Variants in PRR14 observed in about 807,000 individuals in gnomAD.
PRR14 encodes proline-rich protein 14.
In PRR14, 33 loss-of-function variants were observed where a neutral mutation model predicts 57.2. That is an observed-to-expected ratio of 0.58 (90% CI 0.44 to 0.77). The LOEUF is 0.77. PRR14 is among the 30% of genes least tolerant of loss of function. The pLI, the probability that PRR14 is intolerant of heterozygous loss-of-function variation, is 0.00. For missense variants in PRR14, 716 were observed against 788.1 expected (o/e 0.91, Z 1.10); for synonymous variants, 303 against 314.7 (o/e 0.96, Z 0.39).
chr16:30,651,945 A>T lies in PRR14; in HGVS notation c.173A>T (p.Asp58Val), dbSNP rs2052318004. The stretch of plus-strand genomic sequence containing the variant: ...CGGGTCCTGGCCGTGGTGCTAGAAG[A>T]TGTCATGGCTGTTCACATGGTGAGC... The part of the protein sequence containing the change: ...SRRVLAVVLE[D>V]VMAVHMVPVV... The change falls in exon 3 of 12, where the codon GAT (aspartate) becomes GTT (valine). Residue 58 changes from aspartate to valine, a missense_variant. Asp to Val is a radical substitution (Grantham distance 152). Transcript: ENST00000300835. The surrounding 1 kb of genome is among the most constrained non-coding windows in gnomAD (Gnocchi z 5.0). The T allele has an allele frequency of 6.5e-7, 1 of 1,541,392 alleles. No homozygotes were observed. Among genetic ancestry groups the T allele is most frequent in the Admixed American group, 2.1e-5 (1 of 47,732 alleles).
Position 30,651,590 on chromosome 16 carries a change from C to T in PRR14, c.-50-6C>T. ...CCCCCGCTCCCCCGCTCCCCCCTTACCCCAGGCCGCAGCCTGGGATTCCCC... is the reference window on the plus strand; with the variant it reads ...CCCCCGCTCCCCCGCTCCCCCCTTATCCCAGGCCGCAGCCTGGGATTCCCC... On this transcript the variant is annotated splice_region_variant and splice_polypyrimidine_tract_variant and intron_variant, in intron 1 of 11. Transcript: ENST00000300835. This position sits in a 1 kb window ranked among gnomAD's most constrained non-coding sequence, Gnocchi z 5.0. 1 of 884,142 alleles carries T rather than the reference C, an allele frequency of 1.1e-6. No homozygotes were observed. The highest frequency in any genetic ancestry group is 1.7e-6 in the Non-Finnish European group (1 of 600,804). 54.8% of individuals were successfully genotyped at this position (884,142 alleles called of 1,614,324 possible).
chr16:30,654,275 G>A lies in PRR14; in HGVS notation c.594G>A (p.Gly198=), dbSNP rs1244235868. 8 of 1,614,010 alleles carry A rather than the reference G, an allele frequency of 5.0e-6. No individual in the cohort carries two copies. The African/African-American group carries it at 6.7e-5, about 13-fold the overall frequency. The change falls in exon 7 of 12, where the codon GGG becomes GGA. Residue 198 remains glycine (G), a synonymous_variant. Coordinates refer to ENST00000300835, the MANE Select transcript of PRR14 (RefSeq NM_024031.5). ...TTCGCCAGCCAACGCCTCCACCTGG[G>A]GACCTAGAACCCCCATTCCAGCCAT... The part of the protein sequence containing the change: ...RIVRQPTPPP[G]DLEPPFQPSA...
chr16:30,651,589 A>T lies in PRR14; in HGVS notation c.-50-7A>T. The T allele has an allele frequency of 1.9e-6, 2 of 1,033,934 alleles. No individual in the cohort carries two copies. Among genetic ancestry groups the T allele is most frequent in the Non-Finnish European group, 2.7e-6 (2 of 754,238 alleles). The allele number at this position is 1,033,934 out of a possible 1,614,324, so 64.0% of individuals were successfully genotyped here. A position where few individuals can be genotyped will look rare whatever the true frequency, so the allele number is the denominator to read the frequency against. On this transcript the variant is annotated splice_region_variant and splice_polypyrimidine_tract_variant and intron_variant, in intron 1 of 11. Transcript: ENST00000300835. This position sits in a 1 kb window ranked among gnomAD's most constrained non-coding sequence, Gnocchi z 5.0. ...CCCCCCGCTCCCCCGCTCCCCCCTT[A>T]CCCCAGGCCGCAGCCTGGGATTCCC...
At chr16:30,654,360 C>T (rs371138918) in intron 7 of PRR14, 21 bp downstream of exon 7, 21 of 1,572,380 alleles carry the variant, frequency 1.3e-5, no homozygotes, top group African/African-American at 9.5e-5. Flanking sequence ...GGGTAGAGAT[C>T]GGATGAGACT....
chr16:30,652,766 A>G lies in PRR14; in HGVS notation c.238A>G (p.Ser80Gly), dbSNP rs2151257664. 6.2e-7 allele frequency: 1 copy of G among 1,614,190 alleles called. No individual in the cohort carries two copies. Among genetic ancestry groups the G allele is most frequent in the Non-Finnish European group, 8.5e-7 (1 of 1,180,022 alleles). Residue 80 changes from serine (S) to glycine (G), a missense_variant, in exon 4 of 12, where the codon AGC (serine) becomes GGC (glycine). Physicochemically the swap from Ser to Gly is moderately conservative, Grantham distance 56. Transcript: ENST00000300835. ...SKQTSIPQHH[S>G]YHQDPVHRQP... ...GCAGACCTCCATACCACAGCACCAC[A>G]GCTACCATCAGGATCCTGTCCACAG...
Position 30,653,383 on chromosome 16 carries a change from C to G in PRR14, c.523C>G (p.Pro175Ala), listed in dbSNP as rs1402982039. The G allele has an allele frequency of 6.2e-7, 1 of 1,613,906 alleles. No individual in the cohort carries two copies. Among genetic ancestry groups the G allele is most frequent in the Non-Finnish European group, 8.5e-7 (1 of 1,179,992 alleles). Residue 175 changes from proline (P) to alanine (A), a missense_variant, in exon 6 of 12, where the codon CCC (proline) becomes GCC (alanine). Transcript: ENST00000300835. The stretch of plus-strand genomic sequence containing the variant: ...TATCCAGGGCTTCATTGATGAGACC[C>G]CCAACTTCATCATCCCAGCACAAAG... ...PPAEGFIDETPNFIIPAQRAE... is the reference protein window; with the variant it reads ...PPAEGFIDETANFIIPAQRAE...
Position 30,653,384 on chromosome 16 carries a change from C to G in PRR14, c.524C>G (p.Pro175Arg), listed in dbSNP as rs1160468005. The G allele has an allele frequency of 1.2e-6, 2 of 1,613,890 alleles. No individual in the cohort carries two copies. Among genetic ancestry groups the G allele is most frequent in the South Asian group, 2.2e-5 (2 of 91,066 alleles). The change falls in exon 6 of 12, where the codon CCC becomes CGC. Residue 175 changes from proline (P) to arginine (R), a missense_variant. By Grantham distance (103) the Pro-to-Arg change is moderately radical. Coordinates refer to ENST00000300835, the MANE Select transcript of PRR14 (RefSeq NM_024031.5). Reference sequence around the variant, plus strand: ...ATCCAGGGCTTCATTGATGAGACCCCCAACTTCATCATCCCAGCACAAAGG... The same window carrying G: ...ATCCAGGGCTTCATTGATGAGACCCGCAACTTCATCATCCCAGCACAAAGG... ...PPAEGFIDET[P>R]NFIIPAQRAE...
At position 30,651,624 on chromosome 16, in the gene PRR14, C is replaced by T; in HGVS notation, c.-22C>T. 6.3e-7 allele frequency: 1 copy of T among 1,590,152 alleles called. No homozygotes were observed. Among genetic ancestry groups the T allele is most frequent in the South Asian group, 1.1e-5 (1 of 89,954 alleles). ...GCAGCCTGGGATTCCCCAGGGACCC[C>T]CCCGGAGCCGCCGCGTCTCCCATGG... On this transcript the variant is annotated 5_prime_UTR_variant, in exon 2 of 12. Transcript: ENST00000300835. The surrounding 1 kb of genome is among the most constrained non-coding windows in gnomAD (Gnocchi z 5.0).
intron 3 of PRR14, chr16:30,652,412 G>A: frequency 1.7e-6 from 1 of 573,198 alleles, no homozygotes; most frequent in Non-Finnish European, 3.2e-6. Flanking sequence ...GCAGGCTGAG[G>A]TCTTTGACTC....
chr16:30,650,971 G>T lies in PRR14; in HGVS notation c.-207G>T. ...GGGCGGGACCTCCCGGGATTGGAGT[G>T]AAGAGGGTATCTGCTTGACAGTGGA... On this transcript the variant is annotated 5_prime_UTR_variant, in exon 1 of 12. Coordinates refer to ENST00000300835, the MANE Select transcript of PRR14 (RefSeq NM_024031.5). The T allele has an allele frequency of 2.2e-6, 1 of 452,716 alleles. No homozygotes were observed. Among genetic ancestry groups the T allele is most frequent in the South Asian group, 1.6e-5 (1 of 64,462 alleles). 28.0% of individuals were successfully genotyped at this position (452,716 alleles called of 1,614,324 possible).
At chr16:30,653,758 C>T (rs1003126405) in intron 6 of PRR14, among the ~76,000 whole-genome samples, 18 of 152,342 alleles carry the variant, frequency 1.2e-4, no homozygotes, top group Middle Eastern at 3.4e-3. Flanking sequence ...CCTCTGCCTC[C>T]TGGGTTCAAG....
chr16:30,653,159 G>T, intron 5 of PRR14, 56 bp downstream of exon 5: 2 of 1,523,618 alleles, frequency 1.3e-6, no homozygotes, highest in Non-Finnish European at 1.8e-6. Flanking sequence ...AGCAGGGATA[G>T]AAGGGTAGGA....
chr16:30,651,087 A>G lies in PRR14; in HGVS notation c.-91A>G. On this transcript the variant is annotated 5_prime_UTR_variant, in exon 1 of 12. Transcript: ENST00000300835. This position sits in a 1 kb window ranked among gnomAD's most constrained non-coding sequence, Gnocchi z 5.0. ...TTGCGGCGCTGAAGCTTACAGGGGAAGGAAAAGCCTCGCCCGGCGTCTGAT... is the reference window on the plus strand; with the variant it reads ...TTGCGGCGCTGAAGCTTACAGGGGAGGGAAAAGCCTCGCCCGGCGTCTGAT... 2.2e-6 allele frequency: 1 copy of G among 454,452 alleles called. No individual in the cohort carries two copies. Among genetic ancestry groups the G allele is most frequent in the Non-Finnish European group, 4.4e-6 (1 of 225,326 alleles). The allele number at this position is 454,452 out of a possible 1,614,324, so 28.2% of individuals were successfully genotyped here.
intron 4 of PRR14, 27 bp from the exon 5 acceptor site, chr16:30,652,887 A>C: frequency 1.2e-6 from 2 of 1,613,952 alleles, no homozygotes; most frequent in Non-Finnish European, 1.7e-6. Context: ...CAGCTGAGCC[A>C]TTTTAATCTT....
chr16:30,652,506 G>C, intron 3 of PRR14: 1 of 629,878 alleles, frequency 1.6e-6, no homozygotes, highest in Non-Finnish European at 2.8e-6. Context: ...TCTAAACAGC[G>C]TGGATGAGAT....
intron 7 of PRR14, 92 bp downstream of exon 7, chr16:30,654,431 C>T: frequency 8.9e-7 from 1 of 1,122,488 alleles, no homozygotes; most frequent in Non-Finnish European, 1.3e-6. Flanking sequence ...GGGGATAGGG[C>T]TTAAGCCACC....
At position 30,651,178 on chromosome 16, in the gene PRR14, G is replaced by A. The variant is rs979297207; in HGVS notation, c.-51+51G>A. 2 of 403,336 alleles carry A rather than the reference G, an allele frequency of 5.0e-6. No individual in the cohort carries two copies. The highest frequency in any genetic ancestry group is 1.7e-5 in the South Asian group (1 of 58,686). The allele number at this position is 403,336 out of a possible 1,614,324, so 25.0% of individuals were successfully genotyped here. On this transcript the variant is annotated intron_variant, in intron 1 of 11. Transcript: ENST00000300835. This position sits in a 1 kb window ranked among gnomAD's most constrained non-coding sequence, Gnocchi z 5.0. Reference sequence around the variant, plus strand: ...GTCTAGGGGATCTGGTGGGATGGAGGGTCGTCGATGTATGGAGTATTGCTT... The same window carrying A: ...GTCTAGGGGATCTGGTGGGATGGAGAGTCGTCGATGTATGGAGTATTGCTT...
rs1392358542 is a variant in PRR14, at chr16:30,654,347, C to T, written c.658+8C>T. On this transcript the variant is annotated splice_region_variant and intron_variant, in intron 7 of 11. Transcript: ENST00000300835. ...TGGAGAGCCCACCAACAGGTAAGGA[C>T]TTGGGTAGAGATCGGATGAGACTTG... is the stretch of plus-strand genomic sequence containing the variant. The T allele has an allele frequency of 6.2e-7, 1 of 1,601,482 alleles. No individual in the cohort carries two copies. The highest frequency in any genetic ancestry group is 8.6e-7 in the Non-Finnish European group (1 of 1,168,508).
rs1384356120 is a variant in PRR14 at position 30,651,045 on chromosome 16, C to T, written c.-133C>T. 4 of 455,326 alleles carry T rather than the reference C, an allele frequency of 8.8e-6. No homozygotes were observed. The highest frequency in any genetic ancestry group is 8.0e-5 in the African/African-American group (4 of 49,724). The allele number at this position is 455,326 out of a possible 1,614,324, so 28.2% of individuals were successfully genotyped here. Reference sequence around the variant, plus strand: ...CGGAGATGCTCCAGCTCGGGCCGCCCCTGTCTGAGCGGAGCTTTGCGGCGC... The same window carrying T: ...CGGAGATGCTCCAGCTCGGGCCGCCTCTGTCTGAGCGGAGCTTTGCGGCGC... On this transcript the variant is annotated 5_prime_UTR_variant, in exon 1 of 12. Transcript: ENST00000300835. This position sits in a 1 kb window ranked among gnomAD's most constrained non-coding sequence, Gnocchi z 5.0.
Sources: allele counts gnomAD v4.1 joint callset (sites outside exome capture counted in the v4.1 genomes callset), GRCh38; gene constraint gnomAD v4.1.1; non-coding constraint Gnocchi (gnomAD v3.1); transcripts MANE v1.5; gene names NCBI Gene and HGNC (gene_info 2026-07-23, HGNC 2026-07-21).